Variants in FAM222A observed in about 807,000 individuals in gnomAD.
FAM222A encodes the protein protein FAM222A.
A neutral mutation model predicts 25.8 loss-of-function variants in FAM222A; 7 were observed. That is an observed-to-expected ratio of 0.27 (90% CI 0.15 to 0.51). The LOEUF is 0.51. FAM222A is among the 20% of genes least tolerant of loss of function. FAM222A has a pLI of 0.97. For synonymous variants in FAM222A, 294 were observed against 298.8 expected (o/e 0.98, Z 0.17); for missense variants, 573 against 640.5 (o/e 0.89, Z 1.14).
chr12:109,752,634 C>A (rs1888594510), intron 2 of FAM222A, among the ~76,000 whole-genome samples: 1 of 147,334 alleles, frequency 6.8e-6, no homozygotes, highest in South Asian at 2.2e-4. Context: ...CTGTTCTCCT[C>A]CCTCTGTAAA....
chr12:109,745,588 C>T (rs987899937), intron 2 of FAM222A, among the ~76,000 whole-genome samples: 1 of 152,176 alleles, frequency 6.6e-6, no homozygotes, highest in Non-Finnish European at 1.5e-5. Flanking sequence ...TGTTCCCCAC[C>T]CCTCACCATC....
intron 2 of FAM222A, among the ~76,000 whole-genome samples, chr12:109,763,459 A>G (rs958630273): frequency 6.6e-6 from 1 of 152,210 alleles, no homozygotes; most frequent in African/African-American, 2.4e-5. Flanking sequence ...CAGTCAGGAT[A>G]TTGGCCAGGG....
At chr12:109,767,907 G>A (rs1889102050) in intron 2 of FAM222A, 105 bp from the exon 3 acceptor site, 1 of 1,147,480 alleles carries the variant, frequency 8.7e-7, no homozygotes. Flanking sequence ...GGAATAAGGA[G>A]TAAAATGAAT....
rs76001158 is a variant in FAM222A at position 109,764,573 on chromosome 12, A to G, written c.83-3439A>G. On this transcript the variant is annotated intron_variant, in intron 2 of 2. Coordinates refer to ENST00000538780, the MANE Select transcript of FAM222A (RefSeq NM_032829.3). ...AGGACAAATGAGTTTTCACACCACA[A>G]TGGCAGAAACTTGCTTGGGAAGAGA... Among the ~76,000 whole-genome samples the G allele has an allele frequency of 6.9e-3, 1,053 of 152,378 alleles. 10 individuals carry two copies. The highest frequency in any genetic ancestry group is 0.024 in the African/African-American group (1,001 of 41,586).
intron 2 of FAM222A, among the ~76,000 whole-genome samples, chr12:109,761,448 T>G (rs1408969303): frequency 6.6e-6 from 1 of 152,152 alleles, no homozygotes; most frequent in African/African-American, 2.4e-5. Context: ...TGCTGGCAAT[T>G]ATAGAAAAGC....
chr12:109,739,174 C>T (rs1888166536), intron 1 of FAM222A, among the ~76,000 whole-genome samples: 1 of 152,230 alleles, frequency 6.6e-6, no homozygotes, highest in Non-Finnish European at 1.5e-5. Flanking sequence ...TCTCAGGGCC[C>T]TGCCGTGAAG....
chr12:109,734,529 A>G (rs1161526737), intron 1 of FAM222A: 1 of 151,400 alleles, frequency 6.6e-6, no homozygotes, highest in African/African-American at 2.4e-5. Flanking sequence ...ATGTCGGTGC[A>G]TTTACAATGA....
In FAM222A at chr12:109,764,909, C is replaced by T. The variant is rs759865346; in HGVS notation, c.83-3103C>T. On this transcript the variant is annotated intron_variant, in intron 2 of 2. Coordinates refer to ENST00000538780, the MANE Select transcript of FAM222A (RefSeq NM_032829.3). ...AAAGTGACATTTCCATTCTCCACACCGAGTTTATTTTAGGCCACTTAGGAG... is the reference window on the plus strand; with the variant it reads ...AAAGTGACATTTCCATTCTCCACACTGAGTTTATTTTAGGCCACTTAGGAG... Among the ~76,000 whole-genome samples, 4 of 152,232 alleles carry T rather than the reference C, an allele frequency of 2.6e-5. No homozygotes were observed. In the East Asian group the frequency reaches 5.8e-4, roughly 22 times the overall value.
At chr12:109,760,741 G>C (rs1222111413) in intron 2 of FAM222A, among the ~76,000 whole-genome samples, 1 of 152,216 alleles carries the variant, frequency 6.6e-6, no homozygotes, top group Non-Finnish European at 1.5e-5. Context: ...GAAGGGCAAG[G>C]CCATGAGGGT....
At chr12:109,759,240 C>G (rs558548799) in intron 2 of FAM222A, among the ~76,000 whole-genome samples, 1 of 152,336 alleles carries the variant, frequency 6.6e-6, no homozygotes, top group South Asian at 2.1e-4. Flanking sequence ...GGGGCAGCCC[C>G]AGAATGCACC....
Position 109,762,518 on chromosome 12 carries a change from C to T in FAM222A, c.83-5494C>T, listed in dbSNP as rs369491289. 5.2e-4 allele frequency among the ~76,000 whole-genome samples: 79 copies of T among 152,370 alleles called. 1 individual carries two copies. Among genetic ancestry groups the T allele is most frequent in the African/African-American group, 1.8e-3 (76 of 41,586 alleles). ...AAGCCGCAGGCCCCCTCCCCACCAT[C>T]CTTGCCACTGCTGAGAAGCCTGTCC... On this transcript the variant is annotated intron_variant, in intron 2 of 2. Transcript: ENST00000538780.
rs1889162954 is a variant in FAM222A at position 109,769,085 on chromosome 12, G to A, written c.1156G>A (p.Asp386Asn). 1 of 1,605,664 alleles carries A rather than the reference G, an allele frequency of 6.2e-7. No individual in the cohort carries two copies. The highest frequency in any genetic ancestry group is 1.1e-5 in the South Asian group (1 of 90,040). ...CCGGGAGCTGGCTGGGCCCCCTGCA[G>A]ATGCCCTCTCGGGCCTGCCCAGCAA... ...AARELAGPPA[D>N]ALSGLPSKSV... The change falls in exon 3 of 3, where the codon GAT (aspartate) becomes AAT (asparagine). Residue 386 changes from aspartate to asparagine, a missense_variant. This residue lies in a region of FAM222A where 412 missense variants were observed against 407.0 expected (regional missense o/e 1.01). Coordinates refer to ENST00000538780, the MANE Select transcript of FAM222A (RefSeq NM_032829.3).
At chr12:109,720,251 G>A (rs528901682) in intron 1 of FAM222A, 1 of 922,176 alleles carries the variant, frequency 1.1e-6, no homozygotes, top group Admixed American at 6.2e-5. Flanking sequence ...AGGTCAGGGG[G>A]TGAGGCCGAG....
Position 109,768,837 on chromosome 12 carries a change from A to G in FAM222A, c.908A>G (p.Tyr303Cys), listed in dbSNP as rs1361869625. 3 of 1,580,744 alleles carry G rather than the reference A, an allele frequency of 1.9e-6. No homozygotes were observed. Among genetic ancestry groups the G allele is most frequent in the African/African-American group, 1.3e-5 (1 of 74,520 alleles). ...PPPPPQPLRA[Y>C]SGSTVASKSP... ...CCGCCGCCCCAGCCACTGCGTGCCT[A>G]CAGTGGGAGCACGGTGGCCAGCAAG... Residue 303 changes from tyrosine (Y) to cysteine (C), a missense_variant, in exon 3 of 3, where the codon TAC becomes TGC. Around this residue, in one of 3 missense-constraint regions of FAM222A, gnomAD observed 412 missense variants for 407.0 expected, o/e 1.01. Transcript: ENST00000538780.
At position 109,764,405 on chromosome 12, in the gene FAM222A, A is replaced by C. The variant is rs1253729004; in HGVS notation, c.83-3607A>C. On this transcript the variant is annotated intron_variant, in intron 2 of 2. Coordinates refer to ENST00000538780, the MANE Select transcript of FAM222A (RefSeq NM_032829.3). ...CAGTGAATGGGGACTAGGAACAGGCACTCCTTTTTTTTCTTCTTCTTCTTA... is the reference window on the plus strand; with the variant it reads ...CAGTGAATGGGGACTAGGAACAGGCCCTCCTTTTTTTTCTTCTTCTTCTTA... 3.3e-5 allele frequency among the ~76,000 whole-genome samples: 5 copies of C among 151,846 alleles called. No homozygotes were observed. In the East Asian group the frequency reaches 7.7e-4, roughly 23 times the overall value.
chr12:109,733,355 C>T (rs1346101404), intron 1 of FAM222A, among the ~76,000 whole-genome samples: 3 of 152,072 alleles, frequency 2.0e-5, no homozygotes, highest in African/African-American at 7.2e-5. Context: ...AATTTAATTT[C>T]CTCTTACTGC....
intron 1 of FAM222A, among the ~76,000 whole-genome samples, chr12:109,716,852 G>T (rs1887655588): frequency 6.6e-6 from 1 of 152,248 alleles, no homozygotes; most frequent in South Asian, 2.1e-4. Flanking sequence ...AGCTTTCTCA[G>T]CATCTCCCTA....
intron 1 of FAM222A, 173 bp from the exon 2 acceptor site, chr12:109,743,928 G>T: frequency 1.0e-6 from 1 of 985,402 alleles, no homozygotes; most frequent in South Asian, 4.7e-5. Flanking sequence ...CCACAGATGG[G>T]CCTCTTGATG....
intron 2 of FAM222A, among the ~76,000 whole-genome samples, chr12:109,760,220 C>T (rs1446639899): frequency 6.6e-6 from 1 of 152,210 alleles, no homozygotes; most frequent in African/African-American, 2.4e-5. Context: ...TGCTGTGACT[C>T]ACAGATGAGG....
Sources: gnomAD v4.1 joint callset for allele counts (sites outside exome capture counted in the v4.1 genomes callset) on GRCh38, gnomAD v4.1.1 for gene constraint, gnomAD v4.1.1 regional missense constraint, MANE v1.5 for transcripts, NCBI Gene and HGNC (gene_info 2026-07-23, HGNC 2026-07-21) for gene names.